The following GTPBP4 variants were observed in gnomAD, a reference collection of about 807,000 sequenced individuals.
GTPBP4 encodes the protein GTP-binding protein 4.
In GTPBP4, 15 loss-of-function variants were observed where a neutral mutation model predicts 81.7. The observed-to-expected ratio is 0.18, with a 90% CI of 0.12 to 0.28. GTPBP4 has a LOEUF of 0.28. GTPBP4 is among the 10% of genes least tolerant of loss of function. The pLI is 1.00. For synonymous variants in GTPBP4, 272 were observed against 274.6 expected, an observed-to-expected ratio of 0.99 and a Z score of 0.09; for missense variants, 847 against 793.8, an observed-to-expected ratio of 1.07 and a Z score of -0.81.
chr10:1,019,773 A>G lies in GTPBP4; in HGVS notation c.*2546A>G. The G allele has an allele frequency of 6.2e-7, 1 of 1,613,966 alleles. No individual in the cohort carries two copies. The highest frequency in any genetic ancestry group is 8.5e-7 in the Non-Finnish European group (1 of 1,179,944). On this transcript the variant is annotated 3_prime_UTR_variant, in exon 17 of 17. Coordinates refer to ENST00000360803, the MANE Select transcript of GTPBP4 (RefSeq NM_012341.3). ...GTAACAAATTTCATGCTCTCCCCAAATTCTGTCTGATTTTGCCTTGTGGTG... is the reference window on the plus strand; with the variant it reads ...GTAACAAATTTCATGCTCTCCCCAAGTTCTGTCTGATTTTGCCTTGTGGTG...
chr10:1,014,167 T>C, intron 14 of GTPBP4, 80 bp from the exon 15 acceptor site: 1 of 821,166 alleles, frequency 1.2e-6, no homozygotes, highest in Non-Finnish European at 2.1e-6. Context: ...AAAATATGTA[T>C]ACATATATAT....
At position 1,017,300 on chromosome 10, in the gene GTPBP4, G is replaced by A. The variant is rs755735176; in HGVS notation, c.*73G>A. 1.2e-5 allele frequency: 16 copies of A among 1,342,990 alleles called. No individual in the cohort carries two copies. Among genetic ancestry groups the A allele is most frequent in the Non-Finnish European group, 1.7e-5 (16 of 958,506 alleles). The allele number at this position is 1,342,990 out of a possible 1,614,324, so 83.2% of individuals were successfully genotyped here. A position where few individuals can be genotyped will look rare whatever the true frequency, so the allele number is the denominator to read the frequency against. Reference sequence around the variant, plus strand: ...CTGGTTTGGCACAGTATGGTTTCATGAAATTGGAGCTCTGTATAAACTGAA... The same window carrying A: ...CTGGTTTGGCACAGTATGGTTTCATAAAATTGGAGCTCTGTATAAACTGAA... On this transcript the variant is annotated 3_prime_UTR_variant, in exon 17 of 17. Coordinates refer to ENST00000360803, the MANE Select transcript of GTPBP4 (RefSeq NM_012341.3).
Position 1,012,502 on chromosome 10 carries a change from C to G in GTPBP4, c.1382C>G (p.Thr461Arg). 6.2e-7 allele frequency: 1 copy of G among 1,610,820 alleles called. No individual in the cohort carries two copies. ...EELEKEEELR[T>R]AAGEYDSVSE... ...TTAGAAAAAGAAGAAGAGCTGAGAACAGCTGCTGGAGAGTATGACAGTGTA... is the reference window on the plus strand; with the variant it reads ...TTAGAAAAAGAAGAAGAGCTGAGAAGAGCTGCTGGAGAGTATGACAGTGTA... Residue 461 changes from threonine (T) to arginine (R), a missense_variant, in exon 14 of 17, where the codon ACA becomes AGA. This residue lies in a region of GTPBP4 where 600 missense variants were observed against 557.1 expected (regional missense o/e 1.08). Coordinates refer to ENST00000360803, the MANE Select transcript of GTPBP4 (RefSeq NM_012341.3).
At chr10:989,955 T>C (rs1831413582) in intron 1 of GTPBP4, among the ~76,000 whole-genome samples, 1 of 152,158 alleles carries the variant, frequency 6.6e-6, no homozygotes, top group Non-Finnish European at 1.5e-5. Flanking sequence ...CAGACTGGTC[T>C]TGAACTCCTA....
chr10:1,000,204 T>G (rs1831601059), intron 6 of GTPBP4, among the ~76,000 whole-genome samples: 1 of 151,710 alleles, frequency 6.6e-6, no homozygotes, highest in Non-Finnish European at 1.5e-5. Context: ...TGTCACTGGT[T>G]TATTTTGTGG....
Position 995,958 on chromosome 10 carries a change from G to T in GTPBP4, c.249G>T (p.Met83Ile). Residue 83 changes from methionine (M) to isoleucine (I), a missense_variant, in exon 3 of 17, where the codon ATG becomes ATT. Around this residue, in one of 3 missense-constraint regions of GTPBP4, gnomAD observed 241 missense variants for 216.3 expected, o/e 1.11. Coordinates refer to ENST00000360803, the MANE Select transcript of GTPBP4 (RefSeq NM_012341.3). ...DDIHPFYADL[M>I]NILYDKDHYK... ...TTCATCCGTTCTATGCTGATTTGAT[G>T]AATATTCTCTACGACAAGGATCATT... 2 of 1,610,486 alleles carry T rather than the reference G, an allele frequency of 1.2e-6. No individual in the cohort carries two copies. The highest frequency in any genetic ancestry group is 2.2e-5 in the South Asian group (2 of 90,928).
chr10:1,004,714 G>A (rs1002019452), intron 8 of GTPBP4, among the ~76,000 whole-genome samples: 4 of 152,184 alleles, frequency 2.6e-5, no homozygotes, highest in African/African-American at 9.7e-5. Context: ...GCAAGGGCTA[G>A]TAGAGGGGCT....
Position 1,007,560 on chromosome 10 carries a change from C to T in GTPBP4, c.1113+432C>T, listed in dbSNP as rs147088401. 4.8e-3 allele frequency among the ~76,000 whole-genome samples: 725 copies of T among 152,226 alleles called. 4 individuals are homozygous for T. Among genetic ancestry groups the T allele is most frequent in the Non-Finnish European group, 7.0e-3 (478 of 68,018 alleles). ...GACCAGCCTGGGCAACATAGTGGGA[C>T]CCTGTCTCTATAAAAAATAAATAAA... On this transcript the variant is annotated intron_variant, in intron 10 of 16. Transcript: ENST00000360803.
intron 2 of GTPBP4, among the ~76,000 whole-genome samples, chr10:993,387 G>A (rs1191880547): frequency 6.6e-6 from 1 of 152,146 alleles, no homozygotes; most frequent in Non-Finnish European, 1.5e-5. Flanking sequence ...CGCGTAGCTG[G>A]GATTACAGGT....
At chr10:1,001,090 G>A in intron 8 of GTPBP4, 77 bp downstream of exon 8, 8 of 995,678 alleles carry the variant, frequency 8.0e-6, no homozygotes, top group Non-Finnish European at 1.3e-5. Context: ...AAGTTTAGAT[G>A]AAGGAATTTT....
At chr10:1,003,258 T>A (rs1831671005) in intron 8 of GTPBP4, among the ~76,000 whole-genome samples, 1 of 152,220 alleles carries the variant, frequency 6.6e-6, no homozygotes, top group Admixed American at 6.5e-5. Context: ...TTTTTACAAT[T>A]TCTGTCTCAG....
At chr10:1,011,391 A>C (rs12770413) in intron 13 of GTPBP4, among the ~76,000 whole-genome samples, 2 of 93,854 alleles carry the variant, frequency 2.1e-5, no homozygotes, top group African/African-American at 7.3e-5. Flanking sequence ...ATTAGTTGCT[A>C]TCCTGCCTTC....
At position 988,452 on chromosome 10, in the gene GTPBP4, A is replaced by G. The variant is rs1426405279; in HGVS notation, c.-28A>G. ...CGACGGCGGAAGTTCCGGGAGTGCC[A>G]AGTACCCGCGTGCATACGGCTGCCG... On this transcript the variant is annotated 5_prime_UTR_variant, in exon 1 of 17. Transcript: ENST00000360803. 3.1e-6 allele frequency: 5 copies of G among 1,607,550 alleles called. No homozygotes were observed. Among genetic ancestry groups the G allele is most frequent in the African/African-American group, 2.7e-5 (2 of 74,872 alleles).
At chr10:1,008,111 A>AC in intron 10 of GTPBP4, 1 of 454,764 alleles carries the variant, frequency 2.2e-6, no homozygotes, top group South Asian at 1.6e-5. Context: ...TTCCAAAGTC[A>AC]TTTTAAAAGT....
chr10:1,019,465 C>T lies in GTPBP4; in HGVS notation c.*2238C>T, dbSNP rs918944091. The T allele has an allele frequency of 5.6e-6, 8 of 1,437,628 alleles. No homozygotes were observed. Among genetic ancestry groups the T allele is most frequent in the South Asian group, 3.9e-5 (3 of 76,320 alleles). The allele number at this position is 1,437,628 out of a possible 1,614,324, so 89.1% of individuals were successfully genotyped here. ...AGGGTGTATCATTGCCTCAATGGTG[C>T]GTCTGCCTGCACTGAGGGCATTACA... On this transcript the variant is annotated 3_prime_UTR_variant, in exon 17 of 17. Coordinates refer to ENST00000360803, the MANE Select transcript of GTPBP4 (RefSeq NM_012341.3).
At position 1,019,505 on chromosome 10, in the gene GTPBP4, C is replaced by T; in HGVS notation, c.*2278C>T. 3 of 1,603,880 alleles carry T rather than the reference C, an allele frequency of 1.9e-6. No individual in the cohort carries two copies. Among genetic ancestry groups the T allele is most frequent in the Non-Finnish European group, 2.6e-6 (3 of 1,173,124 alleles). ...AGGGCATTACACATGGCTGACTCGA[C>T]CTCCCTGCCTCTCACACTCTGTGTA... On this transcript the variant is annotated 3_prime_UTR_variant, in exon 17 of 17. Transcript: ENST00000360803.
In GTPBP4 at chr10:1,014,299, A is replaced by G. The variant is rs770223543; in HGVS notation, c.1595A>G (p.Asp532Gly). Residue 532 changes from aspartate to glycine, a missense_variant, in exon 15 of 17, where the codon GAC (aspartate) becomes GGC (glycine). By Grantham distance (94) the Asp-to-Gly change is moderately conservative. Transcript: ENST00000360803. ...ATGCGTAGTCTTGGTGTTGACATGG[A>G]CGATAAAGACGATGTGAGTGTGGGG... ...KEMRSLGVDM[D>G]DKDDAHYAVQ... is the part of the protein sequence containing the mutation. 1 of 1,606,912 alleles carries G rather than the reference A, an allele frequency of 6.2e-7. No homozygotes were observed. The highest frequency in any genetic ancestry group is 1.1e-5 in the South Asian group (1 of 90,970).
intron 1 of GTPBP4, chr10:988,935 C>T (rs1564464055): frequency 5.4e-6 from 1 of 184,322 alleles, no homozygotes; most frequent in Non-Finnish European, 1.1e-5. Flanking sequence ...CCCCTCCCCT[C>T]TCAGGAATCC....
chr10:1,012,269 C>T (rs1218934954), intron 13 of GTPBP4, 196 bp from the exon 14 acceptor site: 7 of 436,470 alleles, frequency 1.6e-5, no homozygotes, highest in Admixed American at 8.0e-5. Flanking sequence ...CTGGCGTTCA[C>T]GTGGTCTCCA....
Sources: gnomAD v4.1 joint callset for allele counts (sites outside exome capture counted in the v4.1 genomes callset) on GRCh38, gnomAD v4.1.1 for gene constraint, gnomAD v4.1.1 regional missense constraint, MANE v1.5 for transcripts, NCBI Gene and HGNC (gene_info 2026-07-23, HGNC 2026-07-21) for gene names.